Variants in NSL1 observed in about 807,000 individuals in gnomAD.
NSL1 encodes kinetochore-associated protein NSL1 homolog.
A neutral mutation model predicts 25.4 loss-of-function variants in NSL1; 11 were observed. The ratio of observed to expected loss-of-function variants is 0.43; its 90% CI spans 0.27 to 0.72. The LOEUF is 0.72. NSL1 is among the 30% of genes least tolerant of loss of function. NSL1 has a pLI of 0.19. For missense variants in NSL1, 330 were observed against 342.7 expected (o/e 0.96, Z 0.29); for synonymous variants, 118 against 120.6 (o/e 0.98, Z 0.14).
intron 4 of NSL1, among the ~76,000 whole-genome samples, chr1:212,742,506 T>A (rs1425175468): frequency 6.6e-6 from 1 of 152,208 alleles, no homozygotes; most frequent in Non-Finnish European, 1.5e-5. Flanking sequence ...AAGTGTAGTG[T>A]CAAAATTATC....
chr1:212,766,451 G>A (rs1054412139), intron 4 of NSL1, among the ~76,000 whole-genome samples: 1 of 151,606 alleles, frequency 6.6e-6, no homozygotes, highest in Admixed American at 6.6e-5. Flanking sequence ...ACTCCATCCT[G>A]GCTAACATGG....
intron 4 of NSL1, among the ~76,000 whole-genome samples, chr1:212,776,712 A>G (rs1660384405): frequency 6.7e-6 from 1 of 148,924 alleles, no homozygotes; most frequent in Non-Finnish European, 1.5e-5. Flanking sequence ...GTAAAACAAA[A>G]CAAAACAAAA....
chr1:212,768,268 C>T (rs557527377), intron 4 of NSL1, among the ~76,000 whole-genome samples: 40 of 138,200 alleles, frequency 2.9e-4, no homozygotes, highest in African/African-American at 4.5e-4. Flanking sequence ...TGCAGTGAGC[C>T]GAGACTGCAC....
At chr1:212,765,344 C>T (rs1018594474) in intron 4 of NSL1, among the ~76,000 whole-genome samples, 2 of 152,138 alleles carry the variant, frequency 1.3e-5, no homozygotes, top group African/African-American at 4.8e-5. Context: ...CAATAAAATA[C>T]TAGCTAACCA....
In NSL1 at chr1:212,735,634, A is replaced by G. The variant is rs992384775; in HGVS notation, c.*2774T>C. The G allele has an allele frequency of 9.5e-5, 60 of 631,216 alleles. No individual in the cohort carries two copies. The highest frequency in any genetic ancestry group is 1.2e-4 in the Non-Finnish European group (59 of 506,728). 39.1% of individuals were successfully genotyped at this position (631,216 alleles called of 1,614,324 possible). The stretch of plus-strand genomic sequence containing the variant: ...CATGTGCCTATAGCTGTATTTGGAG[A>G]TGGGGCCTCTAAGGAAATAATTAAG... On this transcript the variant is annotated 3_prime_UTR_variant, in exon 6 of 6. Coordinates refer to ENST00000366977, the MANE Select transcript of NSL1 (RefSeq NM_015471.4).
In NSL1 at chr1:212,742,155, T is replaced by C. The variant is rs1200096733; in HGVS notation, c.500-2554A>G. 5.9e-5 allele frequency among the ~76,000 whole-genome samples: 9 copies of C among 152,178 alleles called. 1 individual carries two copies. In the South Asian group the frequency reaches 1.0e-3, roughly 17 times the overall value. On this transcript the variant is annotated intron_variant, in intron 4 of 5. Coordinates refer to ENST00000366977, the MANE Select transcript of NSL1 (RefSeq NM_015471.4). ...TAAATAGAAATAAAGGGAGAAATAATATTCATCAAAATATGTACTTAATAT... is the reference window on the plus strand; with the variant it reads ...TAAATAGAAATAAAGGGAGAAATAACATTCATCAAAATATGTACTTAATAT...
chr1:212,769,387 A>G (rs191257145), intron 4 of NSL1, among the ~76,000 whole-genome samples: 7 of 152,338 alleles, frequency 4.6e-5, no homozygotes, highest in Non-Finnish European at 1.0e-4. Flanking sequence ...AGTTACATAG[A>G]AGGGAAGCTT....
chr1:212,783,829 G>A (rs1409154832), intron 3 of NSL1, among the ~76,000 whole-genome samples: 1 of 152,096 alleles, frequency 6.6e-6, no homozygotes, highest in Non-Finnish European at 1.5e-5. Context: ...TAAAAAGCTC[G>A]TGCTGAAGGA....
At chr1:212,764,442 A>G (rs1318156574) in intron 4 of NSL1, among the ~76,000 whole-genome samples, 1 of 152,222 alleles carries the variant, frequency 6.6e-6, no homozygotes, top group Non-Finnish European at 1.5e-5. Flanking sequence ...ATGAAATTGA[A>G]ACAAACAAAA....
intron 4 of NSL1, among the ~76,000 whole-genome samples, chr1:212,774,387 T>G (rs931424162): frequency 6.6e-6 from 1 of 152,038 alleles, no homozygotes; most frequent in Non-Finnish European, 1.5e-5. Context: ...TGTACCAATT[T>G]AAAAAAAATT....
rs1659736954 is a variant in NSL1 at position 212,764,906 on chromosome 1, G to T, written c.499+17466C>A. 5.2e-5 allele frequency among the ~76,000 whole-genome samples: 7 copies of T among 133,860 alleles called. No homozygotes were observed. The South Asian group carries it at 1.6e-3, about 31-fold the overall frequency. The allele number at this position is 133,860 out of a possible 152,430, so 87.8% of individuals were successfully genotyped here. A position where few individuals can be genotyped will look rare whatever the true frequency, so the allele number is the denominator to read the frequency against. On this transcript the variant is annotated intron_variant, in intron 4 of 5. Transcript: ENST00000366977. ...AAAAAAAAAAGAAACTGGAGATATT[G>T]TAACTGATACCACAGAAATACAAAA... is the stretch of plus-strand genomic sequence containing the variant.
chr1:212,764,539 C>T (rs1659710407), intron 4 of NSL1, among the ~76,000 whole-genome samples: 1 of 151,924 alleles, frequency 6.6e-6, no homozygotes, highest in South Asian at 2.1e-4. Context: ...TGAGATTAAC[C>T]AAGAAGACAG....
intron 4 of NSL1, chr1:212,763,961 C>A: frequency 5.1e-6 from 2 of 390,814 alleles, no homozygotes; most frequent in South Asian, 3.9e-5. Flanking sequence ...TTCTTCCCAA[C>A]AACTGCAGAA....
rs945180535 is a variant in NSL1, at chr1:212,730,674, C to T, written c.*7734G>A. ...TATACCTGCTAGCACAGTGATGTCA[C>T]TGAGGGATGTCAATGCCATCCTCTG... On this transcript the variant is annotated 3_prime_UTR_variant, in exon 6 of 6. Coordinates refer to ENST00000366977, the MANE Select transcript of NSL1 (RefSeq NM_015471.4). The T allele has an allele frequency of 3.0e-6, 3 of 985,386 alleles. No homozygotes were observed. Among genetic ancestry groups the T allele is most frequent in the Non-Finnish European group, 3.6e-6 (3 of 829,930 alleles). 61.0% of individuals were successfully genotyped at this position (985,386 alleles called of 1,614,324 possible). A position where few individuals can be genotyped will look rare whatever the true frequency, so the allele number is the denominator to read the frequency against.
intron 3 of NSL1, among the ~76,000 whole-genome samples, chr1:212,783,614 A>C (rs2102402993): frequency 6.6e-6 from 1 of 152,360 alleles, no homozygotes; most frequent in South Asian, 2.1e-4. Flanking sequence ...CAATCTAAAC[A>C]CAACATGTAC....
Position 212,732,796 on chromosome 1 carries a change from C to A in NSL1, c.*5612G>T. 5.2e-6 allele frequency: 1 copy of A among 191,734 alleles called. No individual in the cohort carries two copies. Among genetic ancestry groups the A allele is most frequent in the Non-Finnish European group, 9.6e-6 (1 of 104,254 alleles). 11.9% of individuals were successfully genotyped at this position (191,734 alleles called of 1,614,324 possible). ...ATGCCTTGGAGGTAATTTTTTTTGA[C>A]GCTTTGCATATCTGAGATATCTTTT... On this transcript the variant is annotated 3_prime_UTR_variant, in exon 6 of 6. Transcript: ENST00000366977.
chr1:212,750,372 A>G (rs988976547), intron 4 of NSL1, among the ~76,000 whole-genome samples: 2 of 152,084 alleles, frequency 1.3e-5, no homozygotes, highest in Admixed American at 6.6e-5. Context: ...AAATCAAGAA[A>G]GAGTAGAAAA....
chr1:212,745,229 C>A (rs562602747), intron 4 of NSL1, among the ~76,000 whole-genome samples: 3 of 147,610 alleles, frequency 2.0e-5, no homozygotes, highest in South Asian at 4.3e-4. Flanking sequence ...TAACAAGAGT[C>A]TCAGAAGGGG....
At chr1:212,774,322 A>G (rs1017525992) in intron 4 of NSL1, among the ~76,000 whole-genome samples, 4 of 152,224 alleles carry the variant, frequency 2.6e-5, no homozygotes, top group Admixed American at 1.3e-4. Flanking sequence ...ATCATTACAC[A>G]TTGTATATAT....
Sources: gnomAD v4.1 joint callset for allele counts (sites outside exome capture counted in the v4.1 genomes callset) on GRCh38, gnomAD v4.1.1 for gene constraint, MANE v1.5 for transcripts, NCBI Gene and HGNC (gene_info 2026-07-23, HGNC 2026-07-21) for gene names.